DOK6: variants seen among roughly 807,000 people sequenced by gnomAD.
The protein encoded by DOK6 is docking protein 6.
Under a neutral mutation model 44.0 loss-of-function variants are expected in DOK6, and 22 were observed. The observed-to-expected ratio is 0.50, with a 90% CI of 0.36 to 0.71. DOK6 has a LOEUF of 0.71. Among genes scored for constraint, DOK6 ranks in the 30% least tolerant of loss-of-function variants. The pLI is 0.00. For missense variants in DOK6, 340 were observed against 416.4 expected, an observed-to-expected ratio of 0.82 and a Z score of 1.60; for synonymous variants, 166 against 145.5, an observed-to-expected ratio of 1.14 and a Z score of -1.01.
chr18:69,561,137 C>T (rs1039762243), intron 1 of DOK6, among the ~76,000 whole-genome samples: 2 of 152,092 alleles, frequency 1.3e-5, no homozygotes, highest in South Asian at 4.1e-4. Flanking sequence ...ATGCTGTGTA[C>T]TAGAACATAA....
chr18:69,418,615 C>T (rs931104979), intron 1 of DOK6, among the ~76,000 whole-genome samples: 1 of 151,928 alleles, frequency 6.6e-6, no homozygotes, highest in Non-Finnish European at 1.5e-5. Flanking sequence ...GCACGTGCCA[C>T]TTTGCCCAGC....
chr18:69,728,671 C>T (rs973168821), intron 5 of DOK6, among the ~76,000 whole-genome samples: 2 of 152,032 alleles, frequency 1.3e-5, no homozygotes, highest in African/African-American at 4.8e-5. Flanking sequence ...CTTCCTGCCC[C>T]CCTTTACCCG....
At chr18:69,766,123 T>C (rs1979705516) in intron 7 of DOK6, among the ~76,000 whole-genome samples, 1 of 152,142 alleles carries the variant, frequency 6.6e-6, no homozygotes, top group East Asian at 1.9e-4. Context: ...TGTAGCAACA[T>C]GGATGTAGCT....
intron 3 of DOK6, among the ~76,000 whole-genome samples, chr18:69,637,557 T>G (rs946432564): frequency 2.0e-5 from 3 of 152,204 alleles, no homozygotes; most frequent in African/African-American, 7.2e-5. Context: ...AACTTTGAAG[T>G]ATTCCTGTGG....
intron 5 of DOK6, among the ~76,000 whole-genome samples, chr18:69,706,736 A>C (rs1429465284): frequency 3.9e-5 from 5 of 129,596 alleles, no homozygotes; most frequent in Admixed American, 9.1e-5. Flanking sequence ...TCCTGTGTCC[A>C]TGTGTTCTCA....
At chr18:69,683,056 G>A (rs182355688) in intron 4 of DOK6, among the ~76,000 whole-genome samples, 1 of 152,146 alleles carries the variant, frequency 6.6e-6, no homozygotes, top group East Asian at 1.9e-4. Context: ...TAAGGATCTG[G>A]GGTAAACCAT....
At position 69,698,612 on chromosome 18, in the gene DOK6, G is replaced by A; in HGVS notation, c.599+19G>A. 6.2e-7 allele frequency: 1 copy of A among 1,607,718 alleles called. No homozygotes were observed. The highest frequency in any genetic ancestry group is 8.5e-7 in the Non-Finnish European group (1 of 1,177,240). The stretch of plus-strand genomic sequence containing the variant: ...CAGGAAGGTAAGATCTAGTGCAGCA[G>A]CCAAGTGCAGGAGTTGTCTGTATAA... On this transcript the variant is annotated intron_variant, in intron 5 of 7. Coordinates refer to ENST00000382713, the MANE Select transcript of DOK6 (RefSeq NM_152721.6).
chr18:69,756,720 C>T (rs945051845), intron 6 of DOK6, among the ~76,000 whole-genome samples: 1 of 152,134 alleles, frequency 6.6e-6, no homozygotes, highest in Non-Finnish European at 1.5e-5. Context: ...CCCATCCAAG[C>T]ATCGAGGACC....
intron 1 of DOK6, among the ~76,000 whole-genome samples, chr18:69,545,184 ACAAAGGACTATTTATTCCG>A (rs1264474252): frequency 1.3e-5 from 2 of 151,256 alleles, no homozygotes; most frequent in African/African-American, 4.8e-5. Context: ...TTGAGCAAAA[ACAAAGGACTATTTATTCCG>A]CATCATTTCA....
rs531582926 is a variant in DOK6 at position 69,645,704 on chromosome 18, G to A, written c.290-32030G>A. On this transcript the variant is annotated intron_variant, in intron 3 of 7. Coordinates refer to ENST00000382713, the MANE Select transcript of DOK6 (RefSeq NM_152721.6). The stretch of plus-strand genomic sequence containing the variant: ...CCCAGGAAAAAAAAATGAATACTTA[G>A]GTCTACAAAAAAAACCTTGTACATA... 4.6e-5 allele frequency among the ~76,000 whole-genome samples: 7 copies of A among 151,960 alleles called. No homozygotes were observed. The East Asian group carries it at 1.2e-3, about 25-fold the overall frequency.
At chr18:69,732,340 A>G (rs2144732314) in intron 5 of DOK6, among the ~76,000 whole-genome samples, 1 of 152,256 alleles carries the variant, frequency 6.6e-6, no homozygotes, top group East Asian at 1.9e-4. Context: ...TTTTTTTCCC[A>G]TTAAACCCTC....
At chr18:69,714,405 C>T (rs1393421404) in intron 5 of DOK6, among the ~76,000 whole-genome samples, 1 of 152,092 alleles carries the variant, frequency 6.6e-6, no homozygotes, top group East Asian at 1.9e-4. Context: ...TCCTGGGCCT[C>T]CTGATTCTTT....
At chr18:69,774,729 G>T (rs1291742637) in intron 7 of DOK6, among the ~76,000 whole-genome samples, 4 of 151,868 alleles carry the variant, frequency 2.6e-5, no homozygotes, top group Non-Finnish European at 4.4e-5. Context: ...ACAGAATAGA[G>T]TATGAATATT....
intron 1 of DOK6, among the ~76,000 whole-genome samples, chr18:69,456,904 A>G (rs1270184539): frequency 1.3e-5 from 2 of 152,182 alleles, no homozygotes; most frequent in Non-Finnish European, 1.5e-5. Context: ...ATGATTAATG[A>G]TGATGAGCAT....
intron 1 of DOK6, among the ~76,000 whole-genome samples, chr18:69,480,505 ATCT>A (rs1980387876): frequency 6.6e-6 from 1 of 152,290 alleles, no homozygotes; most frequent in Admixed American, 6.5e-5. Flanking sequence ...ATATTTTAAG[ATCT>A]TCTGAAATAT....
intron 7 of DOK6, among the ~76,000 whole-genome samples, chr18:69,758,866 A>G (rs986326152): frequency 6.6e-6 from 1 of 151,540 alleles, no homozygotes; most frequent in South Asian, 2.1e-4. Context: ...TTTTGACAAA[A>G]AGAAATATTT....
chr18:69,704,093 G>A (rs1045447412), intron 5 of DOK6, among the ~76,000 whole-genome samples: 23 of 152,096 alleles, frequency 1.5e-4, no homozygotes, highest in African/African-American at 4.8e-4. Context: ...ATTAATTTCC[G>A]TTGTTTAAGT....
chr18:69,495,000 G>C (rs1462247858), intron 1 of DOK6, among the ~76,000 whole-genome samples: 1 of 152,216 alleles, frequency 6.6e-6, no homozygotes, highest in Non-Finnish European at 1.5e-5. Context: ...GCAGCAAGGG[G>C]TGTGTGAGGG....
intron 1 of DOK6, among the ~76,000 whole-genome samples, chr18:69,425,654 A>C (rs1978616716): frequency 6.6e-6 from 1 of 152,086 alleles, no homozygotes; most frequent in South Asian, 2.1e-4. Flanking sequence ...ATACAAGTTT[A>C]AAATAACCTT....
Sources: allele counts gnomAD v4.1 joint callset (sites outside exome capture counted in the v4.1 genomes callset), GRCh38; gene constraint gnomAD v4.1.1; transcripts MANE v1.5; gene names NCBI Gene and HGNC (gene_info 2026-07-23, HGNC 2026-07-21).